The following GRID2 variants were observed in gnomAD, a reference collection of about 807,000 sequenced individuals.
GRID2 encodes the protein glutamate receptor ionotropic, delta-2.
GRID2 carries 33 observed loss-of-function variants against 114.8 expected under a neutral mutation model. That is an observed-to-expected ratio of 0.29 (90% CI 0.22 to 0.38). The LOEUF is 0.38. GRID2 is among the 10% of genes least tolerant of loss of function. The probability of loss-of-function intolerance (pLI) is 1.00; values close to 1 mark genes in which losing one functional copy is unlikely to be tolerated. For missense variants in GRID2, 1,184 were observed against 1,257.7 expected, an observed-to-expected ratio of 0.94 and a Z score of 0.89; for synonymous variants, 505 against 449.9, an observed-to-expected ratio of 1.12 and a Z score of -1.55.
At chr4:92,857,979 G>T (rs1476379402) in intron 2 of GRID2, among the ~76,000 whole-genome samples, 1 of 152,096 alleles carries the variant, frequency 6.6e-6, no homozygotes, top group Non-Finnish European at 1.5e-5. Context: ...TTCTATAAAT[G>T]GAACAATAAA....
At chr4:92,616,503 A>G (rs968874191) in intron 2 of GRID2, among the ~76,000 whole-genome samples, 1 of 151,618 alleles carries the variant, frequency 6.6e-6, no homozygotes, top group Non-Finnish European at 1.5e-5. Flanking sequence ...CTTATTGAAT[A>G]TATGAATTTA....
intron 14 of GRID2, among the ~76,000 whole-genome samples, chr4:93,736,258 C>G (rs1730917655): frequency 6.6e-6 from 1 of 151,800 alleles, no homozygotes; most frequent in African/African-American, 2.4e-5. Flanking sequence ...TAGAAATGTC[C>G]TTATATTTTA....
intron 2 of GRID2, among the ~76,000 whole-genome samples, chr4:92,793,460 G>A (rs1243175039): frequency 6.6e-6 from 1 of 151,208 alleles, no homozygotes; most frequent in African/African-American, 2.4e-5. Context: ...TTAACACCTG[G>A]GAGATGAAAT....
intron 2 of GRID2, among the ~76,000 whole-genome samples, chr4:93,070,202 A>C (rs1728690258): frequency 6.6e-6 from 1 of 152,040 alleles, no homozygotes; most frequent in South Asian, 2.1e-4. Context: ...TTTTGCCACA[A>C]ATTTTATACT....
intron 2 of GRID2, among the ~76,000 whole-genome samples, chr4:92,690,213 GAAA>G (rs375890219): frequency 2.7e-5 from 4 of 149,914 alleles, no homozygotes; most frequent in African/African-American, 9.8e-5. Flanking sequence ...AAAAAAAAAA[GAAA>G]AAAAGTATAT....
At chr4:92,549,759 A>G (rs1726481797) in intron 1 of GRID2, among the ~76,000 whole-genome samples, 1 of 152,148 alleles carries the variant, frequency 6.6e-6, no homozygotes, top group Non-Finnish European at 1.5e-5. Context: ...AAAAAAGATG[A>G]TGCCCGTGAT....
intron 13 of GRID2, among the ~76,000 whole-genome samples, chr4:93,575,809 A>G (rs1736368900): frequency 2.6e-5 from 4 of 152,134 alleles, no homozygotes; most frequent in Non-Finnish European, 5.9e-5. Context: ...TCACACAGAA[A>G]TATTTTACAG....
At position 93,614,552 on chromosome 4, in the gene GRID2, A is replaced by G. The variant is rs143424486; in HGVS notation, c.2194-11717A>G. Among the ~76,000 whole-genome samples the G allele has an allele frequency of 5.7e-3, 866 of 152,180 alleles. 12 individuals are homozygous for G. The highest frequency in any genetic ancestry group is 0.019 in the African/African-American group (796 of 41,542). On this transcript the variant is annotated intron_variant, in intron 13 of 15. Coordinates refer to ENST00000282020, the MANE Select transcript of GRID2 (RefSeq NM_001510.4). ...AACATGAAATAGTCATTTATTTAAAATTATATATTATTCTGTATTATTTAT... is the reference window on the plus strand; with the variant it reads ...AACATGAAATAGTCATTTATTTAAAGTTATATATTATTCTGTATTATTTAT...
At chr4:92,445,971 G>A (rs1039099458) in intron 1 of GRID2, among the ~76,000 whole-genome samples, 1 of 152,102 alleles carries the variant, frequency 6.6e-6, no homozygotes, top group Non-Finnish European at 1.5e-5. Context: ...TTGAGACAGA[G>A]TCTCCCTCTG....
intron 2 of GRID2, among the ~76,000 whole-genome samples, chr4:92,965,424 C>A (rs1224885483): frequency 9.9e-6 from 1 of 101,166 alleles, no homozygotes; most frequent in South Asian, 3.5e-4. Context: ...TTGTTTGATA[C>A]AGGGTTGCCA....
At chr4:92,617,467 T>C (rs185729177) in intron 2 of GRID2, among the ~76,000 whole-genome samples, 18 of 151,800 alleles carry the variant, frequency 1.2e-4, no homozygotes, top group African/African-American at 4.3e-4. Context: ...AGTGAGAACA[T>C]GCAGTGTTTT....
intron 1 of GRID2, among the ~76,000 whole-genome samples, chr4:92,451,691 T>G: frequency 6.6e-6 from 1 of 152,194 alleles, no homozygotes; most frequent in Non-Finnish European, 1.5e-5. Flanking sequence ...GAGTTCATCT[T>G]TGGTTTCAGG....
rs545890031 is a variant in GRID2 at position 92,560,773 on chromosome 4, C to T, written c.89-29358C>T. 2.6e-5 allele frequency among the ~76,000 whole-genome samples: 4 copies of T among 152,178 alleles called. No homozygotes were observed. The East Asian group carries it at 7.8e-4, about 30-fold the overall frequency. ...CCAGACTGGAGTGCAATGGCAGGAT[C>T]TCAGCTCACTGCAACCTCCACCTCC... On this transcript the variant is annotated intron_variant, in intron 1 of 15. Coordinates refer to ENST00000282020, the MANE Select transcript of GRID2 (RefSeq NM_001510.4).
At chr4:93,027,425 T>G (rs886791008) in intron 2 of GRID2, among the ~76,000 whole-genome samples, 1 of 152,064 alleles carries the variant, frequency 6.6e-6, no homozygotes, top group Non-Finnish European at 1.5e-5. Context: ...GCAAGTAATA[T>G]ATATATCACA....
intron 8 of GRID2, among the ~76,000 whole-genome samples, chr4:93,339,231 A>G (rs1251532794): frequency 6.6e-6 from 1 of 152,226 alleles, no homozygotes; most frequent in Non-Finnish European, 1.5e-5. Flanking sequence ...TTGAAGTCCT[A>G]ACAACTGGTA....
chr4:92,875,210 T>C (rs561781328), intron 2 of GRID2, among the ~76,000 whole-genome samples: 4 of 147,022 alleles, frequency 2.7e-5, no homozygotes, highest in Admixed American at 6.9e-5. Flanking sequence ...TGCCCGGGTT[T>C]GGAGCGCAAT....
intron 1 of GRID2, among the ~76,000 whole-genome samples, chr4:92,497,424 A>C (rs1319017894): frequency 6.6e-6 from 1 of 151,876 alleles, no homozygotes; most frequent in Non-Finnish European, 1.5e-5. Flanking sequence ...GATGTTGTTC[A>C]ACACCAGCCT....
chr4:93,312,821 A>G (rs1270284343), intron 8 of GRID2, among the ~76,000 whole-genome samples: 8 of 152,158 alleles, frequency 5.3e-5, no homozygotes, highest in Non-Finnish European at 1.2e-4. Flanking sequence ...CTGCACCTTA[A>G]TCAGAGCGTT....
Position 92,936,874 on chromosome 4 carries a change from T to G in GRID2, c.245-148121T>G, listed in dbSNP as rs1750713483. ...TTTGTTTGAATTTTGTTTTTTATTA[T>G]AGCCCCCATAGTTGGTATGAAGTGA... is the stretch of plus-strand genomic sequence containing the variant. On this transcript the variant is annotated intron_variant, in intron 2 of 15. Transcript: ENST00000282020. 1.4e-5 allele frequency among the ~76,000 whole-genome samples: 2 copies of G among 146,756 alleles called. 1 individual carries two copies. Among genetic ancestry groups the G allele is most frequent in the Admixed American group, 1.5e-4 (2 of 13,530 alleles).
Sources: gnomAD v4.1 joint callset for allele counts (sites outside exome capture counted in the v4.1 genomes callset) on GRCh38, gnomAD v4.1.1 for gene constraint, MANE v1.5 for transcripts, NCBI Gene and HGNC (gene_info 2026-07-23, HGNC 2026-07-21) for gene names.